CAMK2G: variants seen among roughly 807,000 people sequenced by gnomAD.
CAMK2G encodes the protein calcium/calmodulin dependent protein kinase II gamma.
In CAMK2G, 23 loss-of-function variants were observed where a neutral mutation model predicts 88.7. That is an observed-to-expected ratio of 0.26 (90% CI 0.19 to 0.37). The LOEUF is 0.37. Ranked by LOEUF, CAMK2G falls within the 10% of genes least tolerant of loss-of-function variation. The pLI is 1.00. For synonymous variants in CAMK2G, 263 were observed against 294.8 expected, an observed-to-expected ratio of 0.89 and a Z score of 1.11; for missense variants, 476 against 780.8, an observed-to-expected ratio of 0.61 and a Z score of 4.65.
intron 14 of CAMK2G, among the ~76,000 whole-genome samples, chr10:73,834,534 T>C (rs1042004526): frequency 3.9e-5 from 6 of 152,226 alleles, no homozygotes; most frequent in African/African-American, 1.2e-4. Context: ...GAGCTGCAGC[T>C]GCTGCACATT....
At chr10:73,864,828 T>C (rs2095526013) in intron 2 of CAMK2G, among the ~76,000 whole-genome samples, 1 of 152,102 alleles carries the variant, frequency 6.6e-6, no homozygotes, top group Admixed American at 6.5e-5. Context: ...TATTTTTCAG[T>C]AGAGACGGGG....
rs1197000456 is a variant in CAMK2G, at chr10:73,837,456, G to A, written c.1053+12C>T. 2 of 1,609,618 alleles carry A rather than the reference G, an allele frequency of 1.2e-6. No individual in the cohort carries two copies. Among genetic ancestry groups the A allele is most frequent in the Admixed American group, 3.3e-5 (2 of 60,012 alleles). On this transcript the variant is annotated intron_variant, in intron 14 of 22. Transcript: ENST00000423381. The stretch of plus-strand genomic sequence containing the variant: ...AAAGAGGCCAGTCTGTTCAGAGGCT[G>A]GAGACACTTACCTTGACACCGCCAT...
chr10:73,834,744 G>A (rs2092996957), intron 14 of CAMK2G, among the ~76,000 whole-genome samples: 1 of 152,140 alleles, frequency 6.6e-6, no homozygotes, highest in African/African-American at 2.4e-5. Context: ...TTCCAAGCTG[G>A]GCCCTGGATG....
chr10:73,820,492 A>ATTTTTTTTTTTT (rs1166533591), intron 18 of CAMK2G, among the ~76,000 whole-genome samples: 2 of 51,052 alleles, frequency 3.9e-5, no homozygotes, highest in African/African-American at 1.8e-4. Flanking sequence ...ATATATATAT[A>ATTTTTTTTTTTT]TTTTTTTTTT....
intron 16 of CAMK2G, among the ~76,000 whole-genome samples, chr10:73,824,643 A>G (rs2090308812): frequency 6.6e-6 from 1 of 152,164 alleles, no homozygotes; most frequent in African/African-American, 2.4e-5. Context: ...GAGGGTCCGC[A>G]AGGAGGGGAG....
chr10:73,872,604 T>G (rs1466491569), intron 2 of CAMK2G, among the ~76,000 whole-genome samples: 1 of 152,150 alleles, frequency 6.6e-6, no homozygotes, highest in East Asian at 1.9e-4. Flanking sequence ...AAGTCACCAC[T>G]GGGGCACAGG....
chr10:73,815,331 C>T, intron 21 of CAMK2G, 84 bp from the exon 22 acceptor site: 3 of 917,322 alleles, frequency 3.3e-6, no homozygotes, highest in Non-Finnish European at 5.2e-6. Context: ...CAAGTCTTAC[C>T]ATCTCCCAAG....
intron 22 of CAMK2G, chr10:73,814,786 A>G (rs2084892118): frequency 1.8e-6 from 1 of 561,282 alleles, no homozygotes; most frequent in South Asian, 2.3e-5. Context: ...GAGGGGAAGT[A>G]ACCTGTCTGA....
At chr10:73,830,996 A>C (rs1315883613) in intron 14 of CAMK2G, among the ~76,000 whole-genome samples, 1 of 152,216 alleles carries the variant, frequency 6.6e-6, no homozygotes, top group Non-Finnish European at 1.5e-5. Context: ...CATCTGAGCT[A>C]CTTCACAGGC....
intron 21 of CAMK2G, chr10:73,815,979 C>G (rs2085328882): frequency 1.0e-6 from 1 of 985,164 alleles, no homozygotes; most frequent in African/African-American, 1.7e-5. Context: ...GGAATTGCTT[C>G]TGGCTAATAG....
In CAMK2G at chr10:73,862,501, T is replaced by C. The variant is rs190083789; in HGVS notation, c.161-1612A>G. On this transcript the variant is annotated intron_variant, in intron 2 of 22. Coordinates refer to ENST00000423381, the MANE Select transcript of CAMK2G (RefSeq NM_001367534.1). The stretch of plus-strand genomic sequence containing the variant: ...TAACAATCGCTTACTATGCACTGAC[T>C]ACATGTCAGGCAGAGGCATGGATTA... Among the ~76,000 whole-genome samples the C allele has an allele frequency of 3.3e-5, 5 of 152,292 alleles. No homozygotes were observed. The East Asian group carries it at 5.8e-4, about 18-fold the overall frequency.
chr10:73,848,195 C>A lies in CAMK2G; in HGVS notation c.602-113G>T. The A allele has an allele frequency of 1.4e-6, 1 of 712,034 alleles. No individual in the cohort carries two copies. The highest frequency in any genetic ancestry group is 1.6e-5 in the South Asian group (1 of 64,088). The allele number at this position is 712,034 out of a possible 1,614,324, so 44.1% of individuals were successfully genotyped here. A position where few individuals can be genotyped will look rare whatever the true frequency, so the allele number is the denominator to read the frequency against. On this transcript the variant is annotated intron_variant, in intron 8 of 22. Transcript: ENST00000423381. The surrounding 1 kb of genome is among the most constrained non-coding windows in gnomAD (Gnocchi z 4.5). ...AGAAAGGCAGGGGCCATACCAGAGT[C>A]AGAAGTGGATGCCAGCCGATAATGC...
At chr10:73,873,967 C>A (rs994448510) in intron 1 of CAMK2G, among the ~76,000 whole-genome samples, 1 of 150,632 alleles carries the variant, frequency 6.6e-6, no homozygotes, top group Non-Finnish European at 1.5e-5. Context: ...CGCCAAACAG[C>A]CCCCCCACGC....
intron 6 of CAMK2G, 44 bp downstream of exon 6, chr10:73,849,217 C>A: frequency 1.9e-6 from 3 of 1,587,884 alleles, no homozygotes; most frequent in Non-Finnish European, 2.6e-6. Flanking sequence ...CAGGTGGCGC[C>A]AACACTTCAT....
intron 2 of CAMK2G, 124 bp from the exon 3 acceptor site, chr10:73,861,013 C>G: frequency 1.4e-6 from 1 of 721,488 alleles, no homozygotes; most frequent in Non-Finnish European, 2.5e-6. Context: ...TGAAGTAATG[C>G]AGCAAGTCAT....
chr10:73,830,963 C>T (rs1050314043), intron 14 of CAMK2G, among the ~76,000 whole-genome samples: 1 of 152,160 alleles, frequency 6.6e-6, no homozygotes, highest in African/African-American at 2.4e-5. Context: ...AAAGAAGAAT[C>T]CATGATGCTG....
intron 14 of CAMK2G, chr10:73,837,206 T>C (rs991400392): frequency 1.0e-5 from 5 of 482,162 alleles, no homozygotes; most frequent in Non-Finnish European, 1.5e-5. Flanking sequence ...AGAAGTCAGG[T>C]TCCGGATTCA....
At chr10:73,838,158 C>T (rs1266903864) in intron 13 of CAMK2G, among the ~76,000 whole-genome samples, 1 of 152,232 alleles carries the variant, frequency 6.6e-6, no homozygotes, top group Non-Finnish European at 1.5e-5. Context: ...AGCTGTCAAA[C>T]AGATTCTAGC....
chr10:73,849,240 G>C lies in CAMK2G; in HGVS notation c.414+21C>G, dbSNP rs768647844. 1.5e-5 allele frequency: 24 copies of C among 1,605,508 alleles called. No individual in the cohort carries two copies. In the East Asian group the frequency reaches 4.9e-4, roughly 33 times the overall value. ...GCCAACACTTCATGAGCAGAGGCAC[G>C]GAGGGGAGCCTGGGTAGTACCTTCA... is the stretch of plus-strand genomic sequence containing the variant. On this transcript the variant is annotated intron_variant, in intron 6 of 22. Coordinates refer to ENST00000423381, the MANE Select transcript of CAMK2G (RefSeq NM_001367534.1).
Sources: gnomAD v4.1 joint callset for allele counts (sites outside exome capture counted in the v4.1 genomes callset) on GRCh38, gnomAD v4.1.1 for gene constraint, Gnocchi (gnomAD v3.1) non-coding constraint, MANE v1.5 for transcripts, NCBI Gene and HGNC (gene_info 2026-07-23, HGNC 2026-07-21) for gene names.